The following TNNT2 variants were observed in gnomAD, a reference collection of about 807,000 sequenced individuals.
TNNT2 encodes troponin T2, cardiac type.
Under a neutral mutation model 62.4 loss-of-function variants are expected in TNNT2, and 34 were observed. The observed-to-expected ratio is 0.54, with a 90% confidence interval of 0.41 to 0.72. The LOEUF (loss-of-function observed/expected upper bound fraction) is 0.72, where lower values mean the gene tolerates loss of function less well. Among genes scored for constraint, TNNT2 ranks in the 30% least tolerant of loss-of-function variants. The pLI, the probability that TNNT2 is intolerant of heterozygous loss-of-function variation, is 0.00. For missense variants in TNNT2, 275 were observed against 381.9 expected, an observed-to-expected ratio of 0.72 and a Z score of 2.33; for synonymous variants, 123 against 127.2, an observed-to-expected ratio of 0.97 and a Z score of 0.22.
intron 2 of TNNT2, among the ~76,000 whole-genome samples, chr1:201,372,924 A>G (rs1163412482): frequency 3.9e-5 from 6 of 152,176 alleles, no homozygotes; most frequent in Non-Finnish European, 1.5e-5. Context: ...GAGACCCAAC[A>G]TCTCAGCTTC....
intron 7 of TNNT2, 149 bp from the exon 8 acceptor site, chr1:201,367,020 G>A (rs2102275408): frequency 1.5e-6 from 2 of 1,343,702 alleles, no homozygotes; most frequent in Non-Finnish European, 2.1e-6. Context: ...GATTCCAGAA[G>A]CATCCAGGAG....
intron 15 of TNNT2, 30 bp downstream of exon 15, chr1:201,361,249 A>T (rs374802947): frequency 1.2e-6 from 2 of 1,608,000 alleles, no homozygotes; most frequent in Non-Finnish European, 1.7e-6. Context: ...TGAGATGGAG[A>T]TGCTGGGCGG....
intron 15 of TNNT2, 81 bp from the exon 16 acceptor site, chr1:201,359,744 G>A (rs1038489479): frequency 2.4e-6 from 3 of 1,245,658 alleles, no homozygotes; most frequent in Admixed American, 2.0e-5. Flanking sequence ...ATGGGGAGAA[G>A]GGGGCTGAGT....
Position 201,365,264 on chromosome 1 carries a change from T to C in TNNT2, c.338A>G (p.Gln113Arg). 6.2e-7 allele frequency: 1 copy of C among 1,614,158 alleles called. No individual in the cohort carries two copies. The highest frequency in any genetic ancestry group is 8.5e-7 in the Non-Finnish European group (1 of 1,180,012). ...CTCAAAGTGAGCCTCGATCAGCGCC[T>C]GCAACTCATTCAGGTCCTTCTCCAT... The part of the protein sequence containing the change: ...KRMEKDLNEL[Q>R]ALIEAHFENR... The change falls in exon 10 of 17, where the codon CAG becomes CGG. Residue 113 changes from glutamine to arginine, a missense_variant. Coordinates refer to ENST00000656932, the MANE Select transcript of TNNT2 (RefSeq NM_001276345.2).
intron 1 of TNNT2, chr1:201,375,167 G>A (rs1302402258): frequency 6.6e-6 from 1 of 152,300 alleles, no homozygotes; most frequent in Non-Finnish European, 1.5e-5. Context: ...CAGGGCTCTG[G>A]TTGGGTGGGG....
chr1:201,364,411 T>G, intron 10 of TNNT2, 36 bp from the exon 11 acceptor site: 1 of 1,604,860 alleles, frequency 6.2e-7, no homozygotes, highest in Non-Finnish European at 8.5e-7. Flanking sequence ...CAGGTGTGCA[T>G]AGGGAGAAGG....
At chr1:201,362,052 G>A in intron 13 of TNNT2, 30 bp from the exon 14 acceptor site, 1 of 1,609,644 alleles carries the variant, frequency 6.2e-7, no homozygotes, top group Non-Finnish European at 8.5e-7. Flanking sequence ...GAGTAAACTG[G>A]CCAGATTGCC....
intron 7 of TNNT2, 180 bp downstream of exon 7, chr1:201,367,591 G>C: frequency 2.7e-6 from 2 of 735,022 alleles, no homozygotes; most frequent in East Asian, 2.5e-5. Context: ...TGGGAGAAGG[G>C]GCAAAGTTGA....
intron 14 of TNNT2, 23 bp downstream of exon 14, chr1:201,361,890 G>A (rs777463902): frequency 1.2e-6 from 2 of 1,606,722 alleles, no homozygotes; most frequent in Admixed American, 3.3e-5. Context: ...CAGTGCCCCA[G>A]GACCATTCCT....
Position 201,365,198 on chromosome 1 carries a change from T to A in TNNT2, c.404A>T (p.Asp135Val), listed in dbSNP as rs759758840. 6.2e-7 allele frequency: 1 copy of A among 1,613,582 alleles called. No homozygotes were observed. Among genetic ancestry groups the A allele is most frequent in the Admixed American group, 1.7e-5 (1 of 60,006 alleles). ...GGCAGACTGGACACCTACGATCCTGTCTTTGAGAGAAACGAGCTCCTCCTC... is the reference window on the plus strand; with the variant it reads ...GGCAGACTGGACACCTACGATCCTGACTTTGAGAGAAACGAGCTCCTCCTC... ...KEEEELVSLK[D>V]RIERRRAERA... The change falls in exon 10 of 17, where the codon GAC becomes GTC. Residue 135 changes from aspartate (D) to valine (V), a missense_variant. Coordinates refer to ENST00000656932, the MANE Select transcript of TNNT2 (RefSeq NM_001276345.2).
intron 1 of TNNT2, 64 bp from the exon 2 acceptor site, chr1:201,373,332 T>C: frequency 1.4e-6 from 2 of 1,428,328 alleles, no homozygotes; most frequent in South Asian, 2.3e-5. Context: ...AGAAGAGCTC[T>C]GGCCCCCGTT....
rs570637077 is a variant in TNNT2, at chr1:201,362,529, G to A, written c.601-135C>T. ...ATTCAGATACTCGCTGTAGTCAGCC[G>A]GGTTTACTAGGACGTGGGTCTGAGG... is the stretch of plus-strand genomic sequence containing the variant. On this transcript the variant is annotated intron_variant, in intron 12 of 16. Coordinates refer to ENST00000656932, the MANE Select transcript of TNNT2 (RefSeq NM_001276345.2). 748 of 1,164,222 alleles carry A rather than the reference G, an allele frequency of 6.4e-4. 9 individuals are homozygous for A. The South Asian group carries it at 7.7e-3, about 12-fold the overall frequency. 72.1% of individuals were successfully genotyped at this position (1,164,222 alleles called of 1,614,324 possible).
intron 4 of TNNT2, among the ~76,000 whole-genome samples, chr1:201,370,358 A>G (rs770297857): frequency 5.3e-5 from 8 of 152,326 alleles, no homozygotes; most frequent in Non-Finnish European, 1.2e-4. Context: ...GTCACACTTT[A>G]GAAAGCCTCA....
intron 7 of TNNT2, chr1:201,367,505 G>A (rs1659874570): frequency 6.8e-6 from 4 of 588,298 alleles, no homozygotes; most frequent in Non-Finnish European, 3.0e-6. Context: ...TGACTTCTGG[G>A]TCCCATTGCT....
chr1:201,365,703 C>T (rs1659543436), intron 8 of TNNT2, 33 bp from the exon 9 acceptor site: 1 of 1,611,008 alleles, frequency 6.2e-7, no homozygotes, highest in African/African-American at 1.3e-5. Context: ...GCATCAGCCC[C>T]ATTCTGGACC....
chr1:201,367,280 G>C, intron 7 of TNNT2: 1 of 390,494 alleles, frequency 2.6e-6, no homozygotes, highest in South Asian at 2.3e-5. Flanking sequence ...GTGGCCACAG[G>C]GCAGAAGCTG....
chr1:201,363,494 G>A (rs974477269), intron 11 of TNNT2, 88 bp from the exon 12 acceptor site: 2 of 1,261,888 alleles, frequency 1.6e-6, no homozygotes, highest in Admixed American at 1.7e-5. Context: ...CTTTATGGGT[G>A]AGTTCAGCTT....
At chr1:201,361,506 C>G (rs370310621) in intron 14 of TNNT2, 137 bp from the exon 15 acceptor site, 2 of 858,388 alleles carry the variant, frequency 2.3e-6, no homozygotes, top group African/African-American at 3.3e-5. Flanking sequence ...CCCAGCCCAC[C>G]CCCTGGGCCT....
Position 201,361,261 on chromosome 1 carries a change from G to T in TNNT2, c.810+18C>A. On this transcript the variant is annotated intron_variant, in intron 15 of 16. Coordinates refer to ENST00000656932, the MANE Select transcript of TNNT2 (RefSeq NM_001276345.2). ...GTGTGAGATGGAGATGCTGGGCGGG[G>T]ACAGCATGGCGGCCCACCTCATATT... The T allele has an allele frequency of 6.2e-7, 1 of 1,611,812 alleles. No homozygotes were observed. Among genetic ancestry groups the T allele is most frequent in the Non-Finnish European group, 8.5e-7 (1 of 1,177,908 alleles).
Sources: gnomAD v4.1 joint callset for allele counts (sites outside exome capture counted in the v4.1 genomes callset) on GRCh38, gnomAD v4.1.1 for gene constraint, MANE v1.5 for transcripts, NCBI Gene and HGNC (gene_info 2026-07-23, HGNC 2026-07-21) for gene names.